Variants in INSRR observed in about 807,000 individuals in gnomAD.
INSRR encodes the protein insulin receptor-related protein.
A neutral mutation model predicts 130.0 loss-of-function variants in INSRR; 114 were observed. The observed-to-expected ratio is 0.88, with a 90% CI of 0.75 to 1.02. INSRR has a LOEUF of 1.02. Ranked by LOEUF, INSRR falls within the 50% of genes least tolerant of loss-of-function variation. The pLI is 0.00. For missense variants in INSRR, 1,657 were observed against 1,735.2 expected (o/e 0.95, Z 0.80); for synonymous variants, 674 against 705.2 (o/e 0.96, Z 0.70).
chr1:156,843,079 C>G lies in INSRR; in HGVS notation c.3051G>C (p.Glu1017Asp). 8 of 1,614,186 alleles carry G rather than the reference C, an allele frequency of 5.0e-6. No individual in the cohort carries two copies. The South Asian group carries it at 6.6e-5, about 13-fold the overall frequency. Residue 1017 changes from glutamate (E) to aspartate (D), a missense_variant, in exon 17 of 22, where the codon GAG becomes GAC. Transcript: ENST00000368195. ...STPVALKTVNELASPRECIEF... is the reference protein window; with the variant it reads ...STPVALKTVNDLASPRECIEF... The stretch of plus-strand genomic sequence containing the variant: ...CAATGCATTCCCGTGGGCTGGCCAG[C>G]TCATTCACCGTCTTCAGGGCCACGG...
intron 1 of INSRR, among the ~76,000 whole-genome samples, chr1:156,858,133 G>A (rs895780801): frequency 2.6e-5 from 4 of 152,070 alleles, no homozygotes; most frequent in African/African-American, 4.8e-5. Context: ...GTTTCCTGTC[G>A]GCAACATTGC....
rs1450490542 is a variant in INSRR, at chr1:156,840,843, T to G, written c.*30A>C. On this transcript the variant is annotated 3_prime_UTR_variant, in exon 22 of 22. Coordinates refer to ENST00000368195, the MANE Select transcript of INSRR (RefSeq NM_014215.3). ...GGTCGGGTCCCTTCCTGTCTCCCCA[T>G]GGGAGGCCAGCCAGGGAATGAGGTG... The G allele has an allele frequency of 6.4e-7, 1 of 1,556,996 alleles. No homozygotes were observed. Among genetic ancestry groups the G allele is most frequent in the Non-Finnish European group, 8.8e-7 (1 of 1,132,722 alleles).
intron 7 of INSRR, among the ~76,000 whole-genome samples, chr1:156,847,146 T>C (rs1655042553): frequency 6.6e-6 from 1 of 152,234 alleles, no homozygotes; most frequent in African/African-American, 2.4e-5. Flanking sequence ...AACAGGAGAC[T>C]GCTCCCTTCC....
chr1:156,851,185 G>T, intron 5 of INSRR, 105 bp downstream of exon 5: 1 of 1,306,464 alleles, frequency 7.7e-7, no homozygotes, highest in South Asian at 1.2e-5. Flanking sequence ...CACACGCCTA[G>T]TGAGTAGCAA....
chr1:156,850,534 CTTTTTTTTTTTTT>C (rs35237064), intron 5 of INSRR, among the ~76,000 whole-genome samples: 69 of 58,644 alleles, frequency 1.2e-3, no homozygotes, highest in South Asian at 2.8e-3. Context: ...TTAAAACATT[CTTTTTTTTTTTTT>C]TTTTTTTTTT....
rs1184382974 is a variant in INSRR at position 156,858,648 on chromosome 1, C to A, written c.-27G>T. On this transcript the variant is annotated 5_prime_UTR_variant, in exon 1 of 22. Transcript: ENST00000368195. Reference sequence around the variant, plus strand: ...GTCCCAGCCCTGGCTTGTGTCCAGTCCCGGCTCTCCTCCCGGTGACTCTGG... The same window carrying A: ...GTCCCAGCCCTGGCTTGTGTCCAGTACCGGCTCTCCTCCCGGTGACTCTGG... 1.9e-6 allele frequency: 3 copies of A among 1,596,408 alleles called. No individual in the cohort carries two copies. Among genetic ancestry groups the A allele is most frequent in the Non-Finnish European group, 2.6e-6 (3 of 1,163,944 alleles).
rs747592756 is a variant in INSRR, at chr1:156,849,265, G to A, written c.1425C>T (p.Thr475=). The change falls in exon 6 of 22, where the codon ACC becomes ACT. Residue 475 remains threonine, a synonymous_variant. Transcript: ENST00000368195. ...RQNKAEINPR[T]NGDRAACQTR... ...TCTCACAGGCGGCGCGGTCTCCGTT[G>A]GTGCGGGGGTTGATCTCAGCCTTGT... 2.5e-6 allele frequency: 4 copies of A among 1,613,940 alleles called. No homozygotes were observed. In the South Asian group the frequency reaches 3.3e-5, roughly 13 times the overall value.
chr1:156,843,522 G>A (rs763463921), intron 15 of INSRR, 43 bp from the exon 16 acceptor site: 1 of 1,574,248 alleles, frequency 6.4e-7, no homozygotes, highest in South Asian at 1.1e-5. Context: ...GGGTTCTCAG[G>A]AAGGAATGAG....
In INSRR at chr1:156,840,670, CG is replaced by C. The variant is rs1200066520; in HGVS notation, c.*202del. The C allele has an allele frequency of 1.2e-5, 7 of 602,314 alleles. No individual in the cohort carries two copies. The highest frequency in any genetic ancestry group is 2.1e-5 in the Non-Finnish European group (7 of 337,998). The allele number at this position is 602,314 out of a possible 1,614,324, so 37.3% of individuals were successfully genotyped here. ...GGCTTTGACCCTGCTTGCTCTCCCC[CG>C]AGGGACTCAGAGTCTGAGAAACTCC... On this transcript the variant is annotated 3_prime_UTR_variant, in exon 22 of 22. Coordinates refer to ENST00000368195, the MANE Select transcript of INSRR (RefSeq NM_014215.3).
Position 156,845,988 on chromosome 1 carries a change from CCTCTGCCAGCCG to C in INSRR, c.1930_1941del (p.Arg644_Glu647del). The C allele has an allele frequency of 6.2e-7, 1 of 1,613,788 alleles. No homozygotes were observed. On this transcript the variant is annotated inframe_deletion, in exon 9 of 22. Transcript: ENST00000368195. ...TAGTCATTGAGGTAGAGGTCGCCGT[CCTCTGCCAGCCG>C]CTGCCACAGCACCAGGTAGTAGGTG... is the stretch of plus-strand genomic sequence containing the variant.
chr1:156,846,764 A>G lies in INSRR; in HGVS notation c.1572-7T>C. 6.2e-7 allele frequency: 1 copy of G among 1,607,274 alleles called. No homozygotes were observed. Among genetic ancestry groups the G allele is most frequent in the Non-Finnish European group, 8.5e-7 (1 of 1,174,122 alleles). Reference sequence around the variant, plus strand: ...TGTGGCGTTCTGGAATGGGCTGAACACCCATCCCCAGAGCTGAGGGGTCAT... The same window carrying G: ...TGTGGCGTTCTGGAATGGGCTGAACGCCCATCCCCAGAGCTGAGGGGTCAT... On this transcript the variant is annotated splice_region_variant and splice_polypyrimidine_tract_variant and intron_variant, in intron 7 of 21. Coordinates refer to ENST00000368195, the MANE Select transcript of INSRR (RefSeq NM_014215.3).
chr1:156,845,632 T>C lies in INSRR; in HGVS notation c.2161A>G (p.Ile721Val). 1 of 1,605,746 alleles carries C rather than the reference T, an allele frequency of 6.2e-7. No homozygotes were observed. Among genetic ancestry groups the C allele is most frequent in the Non-Finnish European group, 8.5e-7 (1 of 1,176,870 alleles). ...CGCTCTTCGCACATGGGGATGGTGA[T>C]CGCGTTGTGTAGAAAGTTTTCAAAC... ...KKFENFLHNAITIPISPWKVT... is the reference protein window; with the variant it reads ...KKFENFLHNAVTIPISPWKVT... Residue 721 changes from isoleucine (I) to valine (V), a missense_variant, in exon 10 of 22, where the codon ATC becomes GTC. Physicochemically the swap from Ile to Val is conservative, Grantham distance 29. Coordinates refer to ENST00000368195, the MANE Select transcript of INSRR (RefSeq NM_014215.3).
At position 156,841,066 on chromosome 1, in the gene INSRR, C is replaced by T. The variant is rs919194302; in HGVS notation, c.3701G>A (p.Arg1234His). The T allele has an allele frequency of 6.3e-6, 10 of 1,575,692 alleles. No homozygotes were observed. Among genetic ancestry groups the T allele is most frequent in the Admixed American group, 3.7e-5 (2 of 54,008 alleles). Residue 1234 changes from arginine (R) to histidine (H), a missense_variant, in exon 22 of 22, where the codon CGC (arginine) becomes CAC (histidine). By Grantham distance (29) the Arg-to-His change is conservative. Transcript: ENST00000368195. Reference protein sequence around the residue: ...LMSRCWQPNPRLRPSFTHILD... With the variant: ...LMSRCWQPNPHLRPSFTHILD... Reference sequence around the variant, plus strand: ...AATGTGTGTGAAAGATGGGCGCAGGCGTGGGTTCGGCTGCCAGCAGCGGCT... The same window carrying T: ...AATGTGTGTGAAAGATGGGCGCAGGTGTGGGTTCGGCTGCCAGCAGCGGCT...
rs1558094446 is a variant in INSRR at position 156,858,902 on chromosome 1, GGGCCTCC to G, written c.-288_-282del. The G allele has an allele frequency of 1.2e-4, 55 of 460,682 alleles. No individual in the cohort carries two copies. Among genetic ancestry groups the G allele is most frequent in the South Asian group, 1.2e-3 (41 of 34,344 alleles). The allele number at this position is 460,682 out of a possible 1,614,324, so 28.5% of individuals were successfully genotyped here. ...TGCAGACAGTGACAGGGAGAGTCTC[GGGCCTCC>G]AGAGGGAGAAAATGACACAGGGTTC... On this transcript the variant is annotated 5_prime_UTR_variant, in exon 1 of 22. Coordinates refer to ENST00000368195, the MANE Select transcript of INSRR (RefSeq NM_014215.3).
Position 156,858,388 on chromosome 1 carries a change from C to T in INSRR, c.85+149G>A, listed in dbSNP as rs146452171. 417 of 649,042 alleles carry T rather than the reference C, an allele frequency of 6.4e-4. 3 individuals are homozygous for T. In the African/African-American group the frequency reaches 6.7e-3, roughly 10 times the overall value. The allele number at this position is 649,042 out of a possible 1,614,324, so 40.2% of individuals were successfully genotyped here. On this transcript the variant is annotated intron_variant, in intron 1 of 21. Coordinates refer to ENST00000368195, the MANE Select transcript of INSRR (RefSeq NM_014215.3). ...TTTATGTGGGGAACTAACTGCTTTT[C>T]CTGCTGGGCAGTTCTCCTGAGCGCT...
At chr1:156,842,871 C>G in intron 17 of INSRR, 133 bp downstream of exon 17, 1 of 720,890 alleles carries the variant, frequency 1.4e-6, no homozygotes, top group Non-Finnish European at 2.3e-6. Flanking sequence ...TGACCTTTAC[C>G]CCAATTAGGA....
At position 156,844,283 on chromosome 1, in the gene INSRR, G is replaced by A; in HGVS notation, c.2738-3C>T. 1 of 1,609,932 alleles carries A rather than the reference G, an allele frequency of 6.2e-7. No individual in the cohort carries two copies. The highest frequency in any genetic ancestry group is 8.5e-7 in the Non-Finnish European group (1 of 1,176,754). ...CAGCCCCCCAGCATCCTCCTCCTCTGGCAGTCAGAGGGCAGCAGAGGGTAG... is the reference window on the plus strand; with the variant it reads ...CAGCCCCCCAGCATCCTCCTCCTCTAGCAGTCAGAGGGCAGCAGAGGGTAG... On this transcript the variant is annotated splice_polypyrimidine_tract_variant and splice_region_variant and intron_variant, in intron 14 of 21. Coordinates refer to ENST00000368195, the MANE Select transcript of INSRR (RefSeq NM_014215.3).
chr1:156,857,157 CTGTGTATGTGTGTGTGTGTGTGTG>C (rs1655433976), intron 1 of INSRR, among the ~76,000 whole-genome samples: 2 of 121,286 alleles, frequency 1.6e-5, no homozygotes, highest in African/African-American at 6.6e-5. Flanking sequence ...TGCCCAGCAG[CTGTGTATGTGTGTGTGTGTGTGTG>C]TGTGTGTGTG....
chr1:156,847,617 G>A (rs1807964), intron 7 of INSRR, among the ~76,000 whole-genome samples: 1 of 152,126 alleles, frequency 6.6e-6, no homozygotes, highest in African/African-American at 2.4e-5. Context: ...GGCCCAGCGG[G>A]AAGTGCCTGC....
Sources: allele counts gnomAD v4.1 joint callset (sites outside exome capture counted in the v4.1 genomes callset), GRCh38; gene constraint gnomAD v4.1.1; transcripts MANE v1.5; gene names NCBI Gene and HGNC (gene_info 2026-07-23, HGNC 2026-07-21).